The following STT3A variants were observed in gnomAD, a reference collection of about 807,000 sequenced individuals.
STT3A encodes STT3 oligosaccharyltransferase complex catalytic subunit A.
In STT3A, 34 loss-of-function variants were observed where a neutral mutation model predicts 89.2. That is an observed-to-expected ratio of 0.38 (90% CI 0.29 to 0.51). The LOEUF (loss-of-function observed/expected upper bound fraction) is 0.51. Among genes scored for constraint, STT3A ranks in the 20% least tolerant of loss-of-function variants. The pLI, the probability that STT3A is intolerant of heterozygous loss-of-function variation, is 0.89. For synonymous variants in STT3A, 282 were observed against 310.3 expected (o/e 0.91, Z 0.96); for missense variants, 555 against 889.5 (o/e 0.62, Z 4.78).
At position 125,622,126 on chromosome 11, in the gene STT3A, C is replaced by T. The variant is rs972527412; in HGVS notation, c.*1316C>T. ...TGAATATATCACTGATGTATATAAA[C>T]CCTAAGGCGTTAATAAAAGCTAACT... On this transcript the variant is annotated 3_prime_UTR_variant, in exon 18 of 18. Coordinates refer to ENST00000392708, the MANE Select transcript of STT3A (RefSeq NM_152713.5). The T allele has an allele frequency of 6.6e-6, 1 of 152,162 alleles. No homozygotes were observed. Among genetic ancestry groups the T allele is most frequent in the Non-Finnish European group, 1.5e-5 (1 of 68,034 alleles). 9.4% of individuals were successfully genotyped at this position (152,162 alleles called of 1,614,324 possible).
intron 9 of STT3A, among the ~76,000 whole-genome samples, chr11:125,608,621 C>G (rs139112451): frequency 6.6e-6 from 1 of 152,242 alleles, no homozygotes; most frequent in African/African-American, 2.4e-5. Context: ...CCACTGCACC[C>G]GGTCAGGCTT....
Position 125,620,213 on chromosome 11 carries a change from A to C in STT3A, c.2079+87A>C. On this transcript the variant is annotated intron_variant, in intron 17 of 17. Coordinates refer to ENST00000392708, the MANE Select transcript of STT3A (RefSeq NM_152713.5). ...TATAAAATGGGACATATATTTCTCA[A>C]ATAGGGAAATTTCTCATGACACCTG... The C allele has an allele frequency of 2.7e-5, 28 of 1,053,744 alleles. No homozygotes were observed. The South Asian group carries it at 4.3e-4, about 16-fold the overall frequency. 65.3% of individuals were successfully genotyped at this position (1,053,744 alleles called of 1,614,324 possible).
At chr11:125,597,697 T>A (rs529710802) in intron 3 of STT3A, among the ~76,000 whole-genome samples, 24 of 152,234 alleles carry the variant, frequency 1.6e-4, no homozygotes, top group Non-Finnish European at 3.1e-4. Flanking sequence ...TGATAGAAAT[T>A]GGGCTTCTTA....
In STT3A at chr11:125,613,350, T is replaced by C. The variant is rs1291385030; in HGVS notation, c.1554+173T>C. Among the ~76,000 whole-genome samples, 1 of 152,194 alleles carries C rather than the reference T, an allele frequency of 6.6e-6. No individual in the cohort carries two copies. Among genetic ancestry groups the C allele is most frequent in the African/African-American group, 2.4e-5 (1 of 41,436 alleles). On this transcript the variant is annotated intron_variant, in intron 13 of 17. Coordinates refer to ENST00000392708, the MANE Select transcript of STT3A (RefSeq NM_152713.5). The surrounding 1 kb of genome is among the most constrained non-coding windows in gnomAD (Gnocchi z 4.2). ...GAACCTCCATTCAATTCTGGGATCT[T>C]TTGTAGTTACTCTTACTAGTAATTA... is the stretch of plus-strand genomic sequence containing the variant.
At chr11:125,612,472 C>A in intron 11 of STT3A, 120 bp from the exon 12 acceptor site, 1 of 1,150,048 alleles carries the variant, frequency 8.7e-7, no homozygotes, top group Non-Finnish European at 1.2e-6. Context: ...TTCTCTTTCA[C>A]TTTTTGTGGA....
intron 4 of STT3A, 29 bp downstream of exon 4, chr11:125,602,453 T>TAAAA: frequency 7.7e-7 from 1 of 1,307,138 alleles, no homozygotes; most frequent in Middle Eastern, 2.0e-4. Flanking sequence ...TTTTTTTTTT[T>TAAAA]AAAAAAAAAA....
intron 8 of STT3A, among the ~76,000 whole-genome samples, chr11:125,607,384 A>G (rs920201586): frequency 2.6e-5 from 4 of 152,212 alleles, no homozygotes; most frequent in Non-Finnish European, 5.9e-5. Flanking sequence ...GCAGTTTGCT[A>G]ATCACTTGAA....
intron 8 of STT3A, among the ~76,000 whole-genome samples, chr11:125,606,830 T>C (rs1193047002): frequency 1.3e-5 from 2 of 152,230 alleles, no homozygotes; most frequent in East Asian, 3.8e-4. Context: ...CATCTAATTG[T>C]AAGTGCTTCA....
rs113718917 is a variant in STT3A at position 125,596,685 on chromosome 11, A to G, written c.89-374A>G. 2.6e-4 allele frequency among the ~76,000 whole-genome samples: 40 copies of G among 152,222 alleles called. 1 individual carries two copies. The highest frequency in any genetic ancestry group is 9.6e-4 in the African/African-American group (40 of 41,536). On this transcript the variant is annotated intron_variant, in intron 2 of 17. Coordinates refer to ENST00000392708, the MANE Select transcript of STT3A (RefSeq NM_152713.5). ...CTGGCTCTTCATGAGTCCTAGGTGT[A>G]ATTTTGCTTGCCATACCTATTACTT...
At chr11:125,594,582 C>CA (rs34558992) in intron 1 of STT3A, among the ~76,000 whole-genome samples, 52,083 of 92,126 alleles carry the variant, frequency 0.57, 14,605 homozygotes, top group South Asian at 0.7. Flanking sequence ...GACTCCGTCT[C>CA]AAAAAAAAAA....
chr11:125,620,647 A>T (rs1940320413), intron 17 of STT3A, 125 bp from the exon 18 acceptor site: 1 of 808,092 alleles, frequency 1.2e-6, no homozygotes, highest in South Asian at 1.6e-5. Flanking sequence ...TTGTGTATTC[A>T]CAGCCCTAAA....
chr11:125,606,047 G>A (rs2135925117), intron 7 of STT3A, among the ~76,000 whole-genome samples: 1 of 152,178 alleles, frequency 6.6e-6, no homozygotes, highest in Admixed American at 6.5e-5. Flanking sequence ...GAGTTACAGT[G>A]ATGGGTTTGA....
intron 6 of STT3A, among the ~76,000 whole-genome samples, chr11:125,605,042 C>T (rs1442369184): frequency 3.9e-5 from 6 of 152,038 alleles, no homozygotes; most frequent in East Asian, 1.9e-4. Flanking sequence ...GTTGAGGCTG[C>T]GGTGAGCTGT....
chr11:125,610,263 C>T (rs1267441728), intron 10 of STT3A, among the ~76,000 whole-genome samples: 1 of 151,968 alleles, frequency 6.6e-6, no homozygotes, highest in Non-Finnish European at 1.5e-5. Context: ...TGGGGTTTTG[C>T]CATGTTGCCC....
chr11:125,612,120 C>T (rs1308225915), intron 11 of STT3A, among the ~76,000 whole-genome samples: 1 of 151,982 alleles, frequency 6.6e-6, no homozygotes, highest in Non-Finnish European at 1.5e-5. Context: ...AGGTGATCCA[C>T]CCGCCTTGGC....
chr11:125,602,430 G>T lies in STT3A; in HGVS notation c.271+6G>T, dbSNP rs755604940. On this transcript the variant is annotated splice_donor_region_variant and intron_variant, in intron 4 of 17. Coordinates refer to ENST00000392708, the MANE Select transcript of STT3A (RefSeq NM_152713.5). The stretch of plus-strand genomic sequence containing the variant: ...TGGAGGAACAATTTACCCAGGTGAG[G>T]AGACCAGATGTGTTTTTTTTTTTAA... 4.5e-6 allele frequency: 7 copies of T among 1,568,608 alleles called. No individual in the cohort carries two copies. The African/African-American group carries it at 7.0e-5, about 16-fold the overall frequency.
rs34566886 is a variant in STT3A, at chr11:125,612,344, A to C, written c.1210-248A>C. ...GTTTCTCATATTTTTTTGGTCTCAA[A>C]CCACAGTTATGAAATATACTTTATA... On this transcript the variant is annotated intron_variant, in intron 11 of 17. Transcript: ENST00000392708. Among the ~76,000 whole-genome samples, 42,693 of 152,042 alleles carry C rather than the reference A, an allele frequency of 0.28. 6,187 individuals carry two copies. Among genetic ancestry groups the C allele is most frequent in the East Asian group, 0.4 (2,089 of 5,166 alleles).
rs1939517960 is a variant in STT3A, at chr11:125,597,007, T to C, written c.89-52T>C. 4.4e-6 allele frequency: 7 copies of C among 1,573,736 alleles called. No homozygotes were observed. The South Asian group carries it at 7.8e-5, about 17-fold the overall frequency. Reference sequence around the variant, plus strand: ...GTCTTCATTATAATACTATATCTGCTGTTCTTTCATGGCACATTACCAATA... The same window carrying C: ...GTCTTCATTATAATACTATATCTGCCGTTCTTTCATGGCACATTACCAATA... On this transcript the variant is annotated intron_variant, in intron 2 of 17. Transcript: ENST00000392708.
chr11:125,598,585 A>C (rs572793425), intron 3 of STT3A, among the ~76,000 whole-genome samples: 2 of 151,992 alleles, frequency 1.3e-5, no homozygotes, highest in Non-Finnish European at 2.9e-5. Flanking sequence ...TTTTCTCATG[A>C]ATGAGGAGAC....
Sources: allele counts gnomAD v4.1 joint callset (sites outside exome capture counted in the v4.1 genomes callset), GRCh38; gene constraint gnomAD v4.1.1; non-coding constraint Gnocchi (gnomAD v3.1); transcripts MANE v1.5; gene names NCBI Gene and HGNC (gene_info 2026-07-23, HGNC 2026-07-21).